Variants in P4HA2 observed in about 807,000 individuals in gnomAD.
The protein encoded by P4HA2 is prolyl 4-hydroxylase subunit alpha 2.
P4HA2 carries 46 observed loss-of-function variants against 76.9 expected under a neutral mutation model. The observed-to-expected ratio is 0.60, with a 90% CI of 0.47 to 0.76. The LOEUF is 0.76. Ranked by LOEUF, P4HA2 falls within the 30% of genes least tolerant of loss-of-function variation. P4HA2 has a pLI of 0.00. For synonymous variants in P4HA2, 243 were observed against 254.0 expected (o/e 0.96, Z 0.41); for missense variants, 583 against 669.4 (o/e 0.87, Z 1.42).
At chr5:132,220,476 A>G (rs925327485) in intron 1 of P4HA2, among the ~76,000 whole-genome samples, 4 of 152,226 alleles carry the variant, frequency 2.6e-5, no homozygotes, top group Non-Finnish European at 5.9e-5. Context: ...GTTCCAAACC[A>G]GACATGGTTG....
At position 132,209,338 on chromosome 5, in the gene P4HA2, A is replaced by G; in HGVS notation, c.710-7T>C. On this transcript the variant is annotated splice_region_variant and splice_polypyrimidine_tract_variant and intron_variant, in intron 6 of 14. Transcript: ENST00000360568. ...GCTCGTTCGTGGCTTGGGTCTAGAAAATGCAAGGAATGAGAAGGAAAAGGA... is the reference window on the plus strand; with the variant it reads ...GCTCGTTCGTGGCTTGGGTCTAGAAGATGCAAGGAATGAGAAGGAAAAGGA... The G allele has an allele frequency of 1.2e-6, 2 of 1,608,394 alleles. No individual in the cohort carries two copies. The highest frequency in any genetic ancestry group is 1.7e-6 in the Non-Finnish European group (2 of 1,176,610).
At chr5:132,210,163 A>T in intron 6 of P4HA2, 121 bp downstream of exon 6, 1 of 1,119,748 alleles carries the variant, frequency 8.9e-7, no homozygotes, top group Non-Finnish European at 1.3e-6. Context: ...GGCATTAGTC[A>T]CTGGCCAAGT....
intron 6 of P4HA2, among the ~76,000 whole-genome samples, chr5:132,210,003 G>A (rs1210143889): frequency 6.6e-6 from 1 of 152,140 alleles, no homozygotes; most frequent in African/African-American, 2.4e-5. Context: ...GTCCTGCATG[G>A]TGACAGATAC....
chr5:132,195,591 C>T lies in P4HA2; in HGVS notation c.1366-111G>A, dbSNP rs114515279. On this transcript the variant is annotated intron_variant, in intron 12 of 14. Coordinates refer to ENST00000360568, the MANE Select transcript of P4HA2 (RefSeq NM_001017974.2). ...ATTGCCCTCCTCTCAGCATGAGTGA[C>T]ACTACTTGGTGTCTGCTCCATGGCC... is the stretch of plus-strand genomic sequence containing the variant. The T allele has an allele frequency of 1.5e-3, 1,216 of 785,802 alleles. 10 individuals are homozygous for T. Among genetic ancestry groups the T allele is most frequent in the African/African-American group, 9.0e-3 (530 of 59,048 alleles). The allele number at this position is 785,802 out of a possible 1,614,324, so 48.7% of individuals were successfully genotyped here.
rs1580654492 is a variant in P4HA2 at position 132,198,358 on chromosome 5, T to C, written c.1328A>G (p.Lys443Arg). ...FSRRPFDSGL[K>R]TEGNRLATFL... ...CGTCGCTAACCTATTCCCCTCTGTT[T>C]TGAGGCCGCTGTCAAAAGGTCGCTG... The change falls in exon 12 of 15, where the codon AAA (lysine) becomes AGA (arginine). Residue 443 changes from lysine (K) to arginine (R), a missense_variant. Transcript: ENST00000360568. 3.1e-6 allele frequency: 5 copies of C among 1,613,570 alleles called. No homozygotes were observed. In the Admixed American group the frequency reaches 8.3e-5, roughly 27 times the overall value.
At chr5:132,199,058 G>C (rs567911808) in intron 10 of P4HA2, 126 bp from the exon 11 acceptor site, 33 of 681,266 alleles carry the variant, frequency 4.8e-5, no homozygotes, top group Non-Finnish European at 8.3e-5. Context: ...GCCTCTCTAA[G>C]GTGGAAGACA....
At chr5:132,217,440 G>A in intron 3 of P4HA2, 92 bp from the exon 4 acceptor site, 1 of 1,256,158 alleles carries the variant, frequency 8.0e-7, no homozygotes. Flanking sequence ...CCTGGTGCCA[G>A]GTTCTGGGGC....
chr5:132,208,716 G>A (rs576754804), intron 7 of P4HA2, among the ~76,000 whole-genome samples: 20 of 151,866 alleles, frequency 1.3e-4, no homozygotes, highest in Non-Finnish European at 2.1e-4. Flanking sequence ...GCCTCCTCAG[G>A]AAGCACTAGG....
At chr5:132,214,539 C>A (rs1753585720) in intron 4 of P4HA2, among the ~76,000 whole-genome samples, 2 of 152,134 alleles carry the variant, frequency 1.3e-5, no homozygotes, top group Non-Finnish European at 2.9e-5. Flanking sequence ...GTTGAGGAGT[C>A]CAAGGGACAA....
intron 8 of P4HA2, among the ~76,000 whole-genome samples, chr5:132,206,217 G>A (rs1038953315): frequency 2.0e-5 from 3 of 152,144 alleles, no homozygotes; most frequent in South Asian, 4.1e-4. Flanking sequence ...ACTGAAGAAC[G>A]GGTAAGAAAT....
chr5:132,223,715 T>G (rs1754947709), intron 1 of P4HA2, among the ~76,000 whole-genome samples: 1 of 152,226 alleles, frequency 6.6e-6, no homozygotes, highest in African/African-American at 2.4e-5. Context: ...TTCTACTATC[T>G]AATTCTCACC....
chr5:132,195,530 G>T, intron 12 of P4HA2, 50 bp from the exon 13 acceptor site: 1 of 1,372,948 alleles, frequency 7.3e-7, no homozygotes. Flanking sequence ...GGCTCTCAGA[G>T]CAATTGAGCC....
Position 132,207,781 on chromosome 5 carries a change from G to A in P4HA2, c.1007C>T (p.Pro336Leu), listed in dbSNP as rs201778167. Residue 336 changes from proline (P) to leucine (L), a missense_variant, in exon 8 of 15, where the codon CCG becomes CTG. Physicochemically the swap from Pro to Leu is moderately conservative, Grantham distance 98. Coordinates refer to ENST00000360568, the MANE Select transcript of P4HA2 (RefSeq NM_001017974.2). ...GACATCGTAGTACCTGACGATGTGC[G>A]GGCTGTCCCACTCGTCCTCCTCTTT... ...PFKEEDEWDS[P>L]HIVRYYDVMS... The A allele has an allele frequency of 1.5e-5, 25 of 1,613,674 alleles. No homozygotes were observed. The Middle Eastern group carries it at 4.9e-4, about 32-fold the overall frequency.
intron 4 of P4HA2, among the ~76,000 whole-genome samples, chr5:132,215,691 T>C (rs1753749423): frequency 6.6e-6 from 1 of 152,104 alleles, no homozygotes; most frequent in African/African-American, 2.4e-5. Flanking sequence ...AGTGAAGAGC[T>C]GGGTACAATG....
chr5:132,197,005 A>G (rs1468561986), intron 12 of P4HA2, among the ~76,000 whole-genome samples: 5 of 152,170 alleles, frequency 3.3e-5, no homozygotes, highest in African/African-American at 7.2e-5. Context: ...TAATAACCAC[A>G]CAATAAAAGC....
chr5:132,205,565 C>G (rs1042883242), intron 8 of P4HA2, among the ~76,000 whole-genome samples: 3 of 152,106 alleles, frequency 2.0e-5, no homozygotes, highest in Non-Finnish European at 4.4e-5. Context: ...AGTGAGGCCA[C>G]GACAGAGGTC....
chr5:132,201,856 A>T (rs925914473), intron 10 of P4HA2: 7 of 152,280 alleles, frequency 4.6e-5, no homozygotes, highest in Non-Finnish European at 7.3e-5. Flanking sequence ...ACAGCTAGCC[A>T]GGAAAGCAAC....
At position 132,207,768 on chromosome 5, in the gene P4HA2, C is replaced by T. The variant is rs1205791319; in HGVS notation, c.1020G>A (p.Arg340=). ...CCTCATCAGACATGACATCGTAGTA[C>T]CTGACGATGTGCGGGCTGTCCCACT... is the stretch of plus-strand genomic sequence containing the variant. The part of the protein sequence containing the change: ...EDEWDSPHIV[R]YYDVMSDEEI... The change falls in exon 8 of 15, where the codon AGG becomes AGA. Residue 340 remains arginine, a synonymous_variant. Coordinates refer to ENST00000360568, the MANE Select transcript of P4HA2 (RefSeq NM_001017974.2). 1 of 1,613,842 alleles carries T rather than the reference C, an allele frequency of 6.2e-7. No homozygotes were observed. The highest frequency in any genetic ancestry group is 1.7e-5 in the Admixed American group (1 of 60,012).
At chr5:132,225,269 CT>C (rs1755213832) in intron 1 of P4HA2, among the ~76,000 whole-genome samples, 1 of 152,180 alleles carries the variant, frequency 6.6e-6, no homozygotes, top group Non-Finnish European at 1.5e-5. Context: ...TGCATCACAG[CT>C]TTTCCTGCCA....
Sources: gnomAD v4.1 joint callset for allele counts (sites outside exome capture counted in the v4.1 genomes callset) on GRCh38, gnomAD v4.1.1 for gene constraint, MANE v1.5 for transcripts, NCBI Gene and HGNC (gene_info 2026-07-23, HGNC 2026-07-21) for gene names.